EVI5: variants seen among roughly 807,000 people sequenced by gnomAD.
The protein encoded by EVI5 is ecotropic viral integration site 5, also known as ecotropic viral integration site 5 protein homolog.
In EVI5, 73 loss-of-function variants were observed where a neutral mutation model predicts 112.0. The observed-to-expected ratio is 0.65, with a 90% confidence interval of 0.54 to 0.79. The LOEUF (loss-of-function observed/expected upper bound fraction) is 0.79. Among genes scored for constraint, EVI5 ranks in the 30% least tolerant of loss-of-function variants. The probability of loss-of-function intolerance (pLI) is 0.00; values close to 1 mark genes in which losing one functional copy is unlikely to be tolerated. For synonymous variants in EVI5, 305 were observed against 319.9 expected (o/e 0.95, Z 0.50); for missense variants, 900 against 968.8 (o/e 0.93, Z 0.94).
intron 6 of EVI5, 95 bp downstream of exon 6, chr1:92,697,765 A>C (rs1260253057): frequency 2.0e-6 from 2 of 1,006,140 alleles, no homozygotes; most frequent in African/African-American, 3.2e-5. Context: ...CAAGTGCTTT[A>C]ATGCTTTTAA....
At chr1:92,623,927 A>T (rs1429717219) in intron 16 of EVI5, among the ~76,000 whole-genome samples, 1 of 152,260 alleles carries the variant, frequency 6.6e-6, no homozygotes. Context: ...GGGCAATGCT[A>T]TGAGTTTTAC....
chr1:92,598,256 G>A (rs999412369), intron 18 of EVI5, among the ~76,000 whole-genome samples: 4 of 152,040 alleles, frequency 2.6e-5, no homozygotes, highest in East Asian at 1.9e-4. Context: ...AGGGGGAAGC[G>A]TAGGAGGAGG....
rs986816440 is a variant in EVI5 at position 92,769,606 on chromosome 1, C to G, written c.-82+15230G>C. Among the ~76,000 whole-genome samples, 8 of 152,142 alleles carry G rather than the reference C, an allele frequency of 5.3e-5. No individual in the cohort carries two copies. In the East Asian group the frequency reaches 1.5e-3, roughly 29 times the overall value. On this transcript the variant is annotated intron_variant, in intron 1 of 19. Coordinates refer to ENST00000684568, the MANE Select transcript of EVI5 (RefSeq NM_001350197.2). ...ATTAAGTTAAAGATCTTGAGGTAGG[C>G]TGGGCACGGTGGCTCACGCCTGTAA...
intron 2 of EVI5, among the ~76,000 whole-genome samples, chr1:92,732,898 CAA>C (rs3042602): frequency 1.1e-5 from 1 of 89,080 alleles, no homozygotes; most frequent in African/African-American, 3.9e-5. Context: ...GACTCCATCT[CAA>C]AAAAAAAAAA....
chr1:92,530,311 C>T (rs1450544321), intron 19 of EVI5, among the ~76,000 whole-genome samples: 1 of 152,140 alleles, frequency 6.6e-6, no homozygotes, highest in East Asian at 1.9e-4. Context: ...ATACAACCCT[C>T]ACCTCCCTGG....
At chr1:92,634,175 T>G (rs541183531) in intron 14 of EVI5, among the ~76,000 whole-genome samples, 3 of 152,152 alleles carry the variant, frequency 2.0e-5, no homozygotes, top group Non-Finnish European at 4.4e-5. Context: ...TTGCTCTTCT[T>G]GAGGAGTATC....
intron 9 of EVI5, among the ~76,000 whole-genome samples, chr1:92,693,575 C>A (rs532335288): frequency 2.0e-5 from 3 of 151,994 alleles, no homozygotes; most frequent in African/African-American, 4.8e-5. Context: ...CCATTCCAGG[C>A]TCCTAATTCT....
chr1:92,604,173 G>A lies in EVI5; in HGVS notation c.2070+1134C>T, dbSNP rs114733346. On this transcript the variant is annotated intron_variant, in intron 18 of 19. Transcript: ENST00000684568. ...GAAACCAGCCTGGCCAGCAAAGGGA[G>A]ACCTCATTGCTACTAAATAAATAAA... Among the ~76,000 whole-genome samples, 305 of 151,326 alleles carry A rather than the reference G, an allele frequency of 2.0e-3. 4 individuals carry two copies. The highest frequency in any genetic ancestry group is 6.8e-3 in the African/African-American group (282 of 41,336).
intron 1 of EVI5, chr1:92,792,292 T>C: frequency 8.3e-7 from 1 of 1,205,014 alleles, no homozygotes; most frequent in Non-Finnish European, 1.2e-6. Context: ...GTTACAGCAA[T>C]TACATTTTTA....
At chr1:92,613,653 G>T (rs1652390976) in intron 16 of EVI5, among the ~76,000 whole-genome samples, 1 of 152,076 alleles carries the variant, frequency 6.6e-6, no homozygotes, top group Admixed American at 6.6e-5. Context: ...GTGCAGAGGT[G>T]TCATAGTTCA....
intron 19 of EVI5, among the ~76,000 whole-genome samples, 154 bp downstream of exon 19, chr1:92,563,488 A>T (rs1221319959): frequency 6.6e-6 from 1 of 152,220 alleles, no homozygotes; most frequent in Non-Finnish European, 1.5e-5. Context: ...ATCCTTGCTA[A>T]AAAGACAATT....
chr1:92,636,225 C>G lies in EVI5; in HGVS notation c.1504G>C (p.Asp502His). 6.2e-7 allele frequency: 1 copy of G among 1,613,322 alleles called. No homozygotes were observed. Residue 502 changes from aspartate to histidine, a missense_variant, in exon 14 of 20, where the codon GAT (aspartate) becomes CAT (histidine). Coordinates refer to ENST00000684568, the MANE Select transcript of EVI5 (RefSeq NM_001350197.2). ...ACCTTCTCTATATCCAAGACTTTAT[C>G]CTGCATCTCTTTTAATGCACACTGA... The part of the protein sequence containing the change: ...ESQCALKEMQ[D>H]KVLDIEKRNN...
At chr1:92,575,842 G>A (rs1179987060) in intron 18 of EVI5, among the ~76,000 whole-genome samples, 1 of 151,840 alleles carries the variant, frequency 6.6e-6, no homozygotes, top group Non-Finnish European at 1.5e-5. Flanking sequence ...GGGATTACAG[G>A]CATAATCCCA....
In EVI5 at chr1:92,539,560, A is replaced by AAAAAAACC. The variant is rs1553174065; in HGVS notation, c.2166+24081_2166+24082insGGTTTTTT. On this transcript the variant is annotated intron_variant, in intron 19 of 19. Transcript: ENST00000684568. ...TCCATCTCAAAAAAAAAAAAAAAAAAAAAAAATCTTGAACCCATTCTCCCA... is the reference window on the plus strand; with the variant it reads ...TCCATCTCAAAAAAAAAAAAAAAAAAAAAAAACCAAAAAATCTTGAACCCATTCTCCCA... Among the ~76,000 whole-genome samples, 21 of 137,722 alleles carry AAAAAAACC rather than the reference A, an allele frequency of 1.5e-4. 3 individuals carry two copies. Among genetic ancestry groups the AAAAAAACC allele is most frequent in the African/African-American group, 2.2e-4 (8 of 36,674 alleles). 90.4% of individuals were successfully genotyped at this position (137,722 alleles called of 152,430 possible). A position where few individuals can be genotyped will look rare whatever the true frequency, so the allele number is the denominator to read the frequency against.
chr1:92,761,109 T>C (rs968249245), intron 1 of EVI5, among the ~76,000 whole-genome samples: 4 of 151,512 alleles, frequency 2.6e-5, no homozygotes, highest in African/African-American at 9.7e-5. Context: ...TACAGACCTC[T>C]AAGCTCTACC....
At chr1:92,654,847 C>G (rs985900798) in intron 13 of EVI5, among the ~76,000 whole-genome samples, 1 of 151,996 alleles carries the variant, frequency 6.6e-6, no homozygotes, top group Admixed American at 6.5e-5. Flanking sequence ...AAAGCTTTAA[C>G]AGTAGACTAA....
At chr1:92,667,655 G>C (rs994707897) in intron 10 of EVI5, among the ~76,000 whole-genome samples, 6 of 151,882 alleles carry the variant, frequency 4.0e-5, no homozygotes, top group African/African-American at 1.2e-4. Context: ...CCACTCTGTC[G>C]CCCAGGCTGG....
At chr1:92,608,845 T>C (rs1177094042) in intron 16 of EVI5, among the ~76,000 whole-genome samples, 1 of 152,228 alleles carries the variant, frequency 6.6e-6, no homozygotes, top group African/African-American at 2.4e-5. Context: ...CACACAGATT[T>C]TGAATCCTGG....
At chr1:92,754,638 C>A (rs978352563) in intron 1 of EVI5, among the ~76,000 whole-genome samples, 1 of 152,202 alleles carries the variant, frequency 6.6e-6, no homozygotes, top group East Asian at 1.9e-4. Context: ...TCCTCAGTTT[C>A]TCACCATGTG....
Sources: allele counts gnomAD v4.1 joint callset (sites outside exome capture counted in the v4.1 genomes callset), GRCh38; gene constraint gnomAD v4.1.1; transcripts MANE v1.5; gene names NCBI Gene and HGNC (gene_info 2026-07-23, HGNC 2026-07-21).